Variants in GSN observed in about 807,000 individuals in gnomAD.
GSN encodes actin-depolymerizing factor.
In GSN, 56 loss-of-function variants were observed where a neutral mutation model predicts 85.7. The observed-to-expected ratio is 0.65, with a 90% CI of 0.53 to 0.82. The LOEUF (loss-of-function observed/expected upper bound fraction) is 0.82, where lower values mean the gene tolerates loss of function less well. GSN is among the 40% of genes least tolerant of loss of function. The probability of loss-of-function intolerance (pLI) is 0.00; values close to 1 mark genes in which losing one functional copy is unlikely to be tolerated. For missense variants in GSN, 857 were observed against 979.8 expected, an observed-to-expected ratio of 0.87 and a Z score of 1.67; for synonymous variants, 373 against 399.1, an observed-to-expected ratio of 0.93 and a Z score of 0.78.
chr9:121,244,651 T>C (rs2054665241), intron 5 of GSN, among the ~76,000 whole-genome samples: 1 of 152,188 alleles, frequency 6.6e-6, no homozygotes, highest in South Asian at 2.1e-4. Flanking sequence ...CAGCTCTATT[T>C]GTAATAGCAA....
upstream of GSN, among the ~76,000 whole-genome samples, chr9:121,207,370 G>A (rs188497860): frequency 4.9e-4 from 74 of 152,200 alleles, no homozygotes; most frequent in African/African-American, 1.7e-3. Context: ...GATATGAAGG[G>A]GTACCAGCAC....
At chr9:121,314,252 T>C (rs1256608307) in intron 7 of GSN, among the ~76,000 whole-genome samples, 3 of 152,244 alleles carry the variant, frequency 2.0e-5, no homozygotes, top group Admixed American at 6.5e-5. Context: ...ACATGAGGTC[T>C]CTCTGAGTCT....
intron 5 of GSN, among the ~76,000 whole-genome samples, chr9:121,242,460 G>A (rs115906148): frequency 0.01 from 1,526 of 149,542 alleles, 20 homozygotes; most frequent in African/African-American, 0.035. Flanking sequence ...GGAAAAAGGG[G>A]GATAGAGGAG....
chr9:121,318,382 A>AT lies in GSN; in HGVS notation c.887-23dup. The AT allele has an allele frequency of 6.2e-7, 1 of 1,602,798 alleles. No individual in the cohort carries two copies. The highest frequency in any genetic ancestry group is 8.5e-7 in the Non-Finnish European group (1 of 1,169,744). ...CAGGATCCCGGGCCTCTAACCCTCC[A>AT]TCACTTCCTCTGGCTGCCAACAGGC... is the stretch of plus-strand genomic sequence containing the variant. On this transcript the variant is annotated intron_variant, in intron 8 of 17. Coordinates refer to ENST00000432226, the MANE Select transcript of GSN (RefSeq NM_198252.3). This position sits in a 1 kb window ranked among gnomAD's most constrained non-coding sequence, Gnocchi z 4.3.
At position 121,250,044 on chromosome 9, in the gene GSN, G is replaced by A. The variant is rs371878276; in HGVS notation, c.-341+1721G>A. On this transcript the variant is annotated intron_variant, in intron 6 of 24. Coordinates refer to the GSN transcript ENST00000373823. ...GATGATGCTACCTTATCCTGAAGCCGGGATGTAAGTCTAGCCTTTGGCTCC... is the reference window on the plus strand; with the variant it reads ...GATGATGCTACCTTATCCTGAAGCCAGGATGTAAGTCTAGCCTTTGGCTCC... Among the ~76,000 whole-genome samples, 29 of 152,238 alleles carry A rather than the reference G, an allele frequency of 1.9e-4. No homozygotes were observed. The East Asian group carries it at 5.4e-3, about 28-fold the overall frequency.
intron 5 of GSN, among the ~76,000 whole-genome samples, chr9:121,247,888 G>GCCCCCCCCCCCCCCCCC (rs2054734024): frequency 2.2e-5 from 1 of 46,472 alleles, no homozygotes; most frequent in Admixed American, 2.0e-4. Context: ...CACCCCCAGT[G>GCCCCCCCCCCCCCCCCC]CCCACCACAC....
intron 1 of GSN, chr9:121,207,949 G>GTGTGTGTGTGTC (rs1235100012): frequency 2.7e-5 from 4 of 150,236 alleles, no homozygotes; most frequent in Non-Finnish European, 4.4e-5. Flanking sequence ...GTGTGTGTGT[G>GTGTGTGTGTGTC]TGTGTGTGTG....
chr9:121,306,644 A>G (rs1413623448), intron 4 of GSN, among the ~76,000 whole-genome samples: 2 of 152,254 alleles, frequency 1.3e-5, no homozygotes, highest in Non-Finnish European at 2.9e-5. Context: ...TTTGATGCCA[A>G]TCTTGCTCAC....
rs1321246745 is a variant in GSN, at chr9:121,299,110, G to C, written c.-9-2853G>C. On this transcript the variant is annotated intron_variant, in intron 2 of 17. Transcript: ENST00000432226. The surrounding 1 kb of genome is among the most constrained non-coding windows in gnomAD (Gnocchi z 4.2). ...GGGAGAGGTAAATGTGATGGAGAGG[G>C]AACAACTGTGTACAAACATGTGACT... is the stretch of plus-strand genomic sequence containing the variant. 1 of 159,638 alleles carries C rather than the reference G, an allele frequency of 6.3e-6. No individual in the cohort carries two copies. Among genetic ancestry groups the C allele is most frequent in the East Asian group, 1.9e-4 (1 of 5,236 alleles). The allele number at this position is 159,638 out of a possible 1,614,324, so 9.9% of individuals were successfully genotyped here. A position where few individuals can be genotyped will look rare whatever the true frequency, so the allele number is the denominator to read the frequency against.
In GSN at chr9:121,307,965, G is replaced by C. The variant is rs547601921; in HGVS notation, c.352-2719G>C. ...GCCATCCAGCCTTCGGACCCCCTCAGTTGTGACTGCAGTTGTGACTGCAGC... is the reference window on the plus strand; with the variant it reads ...GCCATCCAGCCTTCGGACCCCCTCACTTGTGACTGCAGTTGTGACTGCAGC... On this transcript the variant is annotated intron_variant, in intron 4 of 17. Transcript: ENST00000432226. 1.1e-3 allele frequency among the ~76,000 whole-genome samples: 164 copies of C among 152,332 alleles called. 1 individual carries two copies. The highest frequency in any genetic ancestry group is 2.0e-3 in the Non-Finnish European group (137 of 68,024).
At position 121,251,300 on chromosome 9, in the gene GSN, G is replaced by A. The variant is rs560841992; in HGVS notation, c.-341+2977G>A. On this transcript the variant is annotated intron_variant, in intron 6 of 24. Coordinates refer to the GSN transcript ENST00000373823. Reference sequence around the variant, plus strand: ...GGGTTCAAGTGGTTCTCCTGCCTCAGCCTCCCAATTAGCTGAGATTATAGG... The same window carrying A: ...GGGTTCAAGTGGTTCTCCTGCCTCAACCTCCCAATTAGCTGAGATTATAGG... Among the ~76,000 whole-genome samples the A allele has an allele frequency of 2.7e-5, 4 of 147,400 alleles. No individual in the cohort carries two copies. In the East Asian group the frequency reaches 8.2e-4, roughly 30 times the overall value.
At position 121,261,941 on chromosome 9, in the gene GSN, C is replaced by G. The variant is rs778675379; in HGVS notation, c.-340-3213C>G. Among the ~76,000 whole-genome samples, 4 of 152,266 alleles carry G rather than the reference C, an allele frequency of 2.6e-5. No homozygotes were observed. The East Asian group carries it at 7.7e-4, about 29-fold the overall frequency. ...TCCTGTCCTTCAAGGCCTCTGAGTACAAAAATAGCACCATCTCCAAGATTT... is the reference window on the plus strand; with the variant it reads ...TCCTGTCCTTCAAGGCCTCTGAGTAGAAAAATAGCACCATCTCCAAGATTT... On this transcript the variant is annotated intron_variant, in intron 6 of 24. Coordinates refer to the GSN transcript ENST00000373823. The surrounding 1 kb of genome is among the most constrained non-coding windows in gnomAD (Gnocchi z 4.1).
At chr9:121,327,629 A>G in intron 14 of GSN, 147 bp downstream of exon 14, 1 of 705,216 alleles carries the variant, frequency 1.4e-6, no homozygotes, top group Non-Finnish European at 2.3e-6. Context: ...AAGCAGTTGC[A>G]TTAAAATGAG....
At position 121,301,947 on chromosome 9, in the gene GSN, C is replaced by A. The variant is rs1169799675; in HGVS notation, c.-9-16C>A. 1.2e-6 allele frequency: 2 copies of A among 1,614,036 alleles called. No individual in the cohort carries two copies. On this transcript the variant is annotated splice_polypyrimidine_tract_variant and intron_variant, in intron 2 of 17. Transcript: ENST00000432226. ...AGGACCCTGCCCCGCTTAGGCTCTG[C>A]CCTGTCTCATCCCAGCCCAACAGCA...
chr9:121,312,584 A>G (rs2061290410), intron 6 of GSN, 96 bp downstream of exon 6: 9 of 986,450 alleles, frequency 9.1e-6, no homozygotes, highest in Admixed American at 2.9e-5. Context: ...TGAGGAAAAA[A>G]AAAAACTTCC....
chr9:121,330,829 A>T (rs1311497348), intron 16 of GSN, among the ~76,000 whole-genome samples: 1 of 152,142 alleles, frequency 6.6e-6, no homozygotes, highest in Non-Finnish European at 1.5e-5. Context: ...CTCTCGGTGC[A>T]TATTTGTTGG....
At position 121,277,860 on chromosome 9, in the gene GSN, G is replaced by T. The variant is rs12683883; in HGVS notation, c.-102-3610G>T. Among the ~76,000 whole-genome samples the T allele has an allele frequency of 6.6e-5, 10 of 152,244 alleles. No homozygotes were observed. In the East Asian group the frequency reaches 1.7e-3, roughly 26 times the overall value. Reference sequence around the variant, plus strand: ...CCTGGGGAGGCCCCAGTCTGTTTTTGTATGCCTCTGAGCTAAGAATGGTTT... The same window carrying T: ...CCTGGGGAGGCCCCAGTCTGTTTTTTTATGCCTCTGAGCTAAGAATGGTTT... On this transcript the variant is annotated intron_variant, in intron 1 of 17. Transcript: ENST00000432226.
chr9:121,213,611 C>A (rs2054006038), intron 4 of GSN, among the ~76,000 whole-genome samples: 1 of 152,200 alleles, frequency 6.6e-6, no homozygotes, highest in Non-Finnish European at 1.5e-5. Flanking sequence ...CAGCTGAGAT[C>A]TTGGCAAATT....
intron 6 of GSN, among the ~76,000 whole-genome samples, chr9:121,254,197 G>C (rs928713411): frequency 6.6e-6 from 1 of 152,122 alleles, no homozygotes; most frequent in Non-Finnish European, 1.5e-5. Flanking sequence ...ATACAGTTGG[G>C]GCAAAAATTG....
Sources: allele counts gnomAD v4.1 joint callset (sites outside exome capture counted in the v4.1 genomes callset), GRCh38; gene constraint gnomAD v4.1.1; non-coding constraint Gnocchi (gnomAD v3.1); transcripts MANE v1.5; gene names NCBI Gene and HGNC (gene_info 2026-07-23, HGNC 2026-07-21).